Variants in ADCY2 observed in about 807,000 individuals in gnomAD.
ADCY2 encodes the protein adenylate cyclase type 2.
Under a neutral mutation model 125.2 loss-of-function variants are expected in ADCY2, and 31 were observed. The observed-to-expected ratio is 0.25, with a 90% CI of 0.19 to 0.33. The LOEUF is 0.33. ADCY2 is among the 10% of genes least tolerant of loss of function. The pLI is 1.00. For synonymous variants in ADCY2, 512 were observed against 548.4 expected, an observed-to-expected ratio of 0.93 and a Z score of 0.93; for missense variants, 904 against 1,418.2, an observed-to-expected ratio of 0.64 and a Z score of 5.82.
At chr5:7,510,856 A>T (rs894494064) in intron 2 of ADCY2, among the ~76,000 whole-genome samples, 1 of 152,224 alleles carries the variant, frequency 6.6e-6, no homozygotes, top group South Asian at 2.1e-4. Context: ...AGAACACGAT[A>T]TGAAGAGTTG....
intron 2 of ADCY2, among the ~76,000 whole-genome samples, chr5:7,446,749 A>G (rs906719141): frequency 3.3e-5 from 5 of 152,226 alleles, no homozygotes; most frequent in Admixed American, 1.3e-4. Flanking sequence ...ACGTGTGTGC[A>G]CAGTATAGAT....
At chr5:7,650,542 A>T (rs1017761233) in intron 4 of ADCY2, among the ~76,000 whole-genome samples, 1 of 152,110 alleles carries the variant, frequency 6.6e-6, no homozygotes, top group Non-Finnish European at 1.5e-5. Context: ...CAGACACAGG[A>T]TGGAGGAACC....
chr5:7,608,150 T>G (rs1737446124), intron 3 of ADCY2, among the ~76,000 whole-genome samples: 2 of 152,360 alleles, frequency 1.3e-5, no homozygotes, highest in East Asian at 1.9e-4. Flanking sequence ...ATTTGTTAAT[T>G]TATCATGAGG....
In ADCY2 at chr5:7,816,971, T is replaced by C; in HGVS notation, c.2989T>C (p.Leu997=). ...CAAGCACTCCTTCAACGACTTCAAATTGCGAGTGGGTACGTTCTGCAAAAG... is the reference window on the plus strand; with the variant it reads ...CAAGCACTCCTTCAACGACTTCAAACTGCGAGTGGGTACGTTCTGCAAAAG... The part of the protein sequence containing the change: ...INKHSFNDFK[L]RVGINHGPVI... The change falls in exon 23 of 25, where the codon TTG becomes CTG. Residue 997 remains leucine (L), a synonymous_variant. Transcript: ENST00000338316. The C allele has an allele frequency of 6.2e-7, 1 of 1,613,976 alleles. No homozygotes were observed. Among genetic ancestry groups the C allele is most frequent in the Non-Finnish European group, 8.5e-7 (1 of 1,179,920 alleles).
chr5:7,753,439 G>C (rs1489428534), intron 15 of ADCY2, among the ~76,000 whole-genome samples: 2 of 152,194 alleles, frequency 1.3e-5, no homozygotes, highest in Admixed American at 6.5e-5. Context: ...TGACTCCACT[G>C]ACTGGGCTCA....
chr5:7,493,721 T>G (rs1743248263), intron 2 of ADCY2, among the ~76,000 whole-genome samples: 1 of 152,038 alleles, frequency 6.6e-6, no homozygotes. Flanking sequence ...GATGGAGGGA[T>G]AGTGGAGCTG....
intron 3 of ADCY2, among the ~76,000 whole-genome samples, chr5:7,610,168 G>A (rs1272278306): frequency 6.6e-6 from 1 of 152,192 alleles, no homozygotes; most frequent in East Asian, 1.9e-4. Flanking sequence ...TTTGGGCATT[G>A]GTGTTATTTC....
At chr5:7,432,873 A>G (rs979480559) in intron 2 of ADCY2, among the ~76,000 whole-genome samples, 21 of 67,238 alleles carry the variant, frequency 3.1e-4, no homozygotes, top group Admixed American at 4.0e-4. Flanking sequence ...ATGTATGTCA[A>G]AACTCATCAA....
intron 3 of ADCY2, among the ~76,000 whole-genome samples, chr5:7,576,848 G>A (rs905290259): frequency 6.6e-6 from 1 of 152,124 alleles, no homozygotes; most frequent in Non-Finnish European, 1.5e-5. Flanking sequence ...ACATTAAACA[G>A]AACTTGCTTA....
In ADCY2 at chr5:7,663,553, T is replaced by C. The variant is rs2195395; in HGVS notation, c.721-27138T>C. On this transcript the variant is annotated intron_variant, in intron 4 of 24. Transcript: ENST00000338316. ...TGCATTAGTGAGCTTGGGAATCTCA[T>C]GTTGGAGGAAATGAATTAAGGGTGT... Among the ~76,000 whole-genome samples the C allele has an allele frequency of 8.1e-3, 1,237 of 152,318 alleles. 18 individuals carry two copies. Among genetic ancestry groups the C allele is most frequent in the African/African-American group, 0.028 (1,183 of 41,576 alleles).
chr5:7,782,640 T>G (rs1043473517), intron 18 of ADCY2, among the ~76,000 whole-genome samples: 7 of 152,202 alleles, frequency 4.6e-5, no homozygotes, highest in African/African-American at 1.7e-4. Flanking sequence ...CCCTTGGAAT[T>G]GTAAAGTAAT....
intron 1 of ADCY2, among the ~76,000 whole-genome samples, chr5:7,410,904 T>A (rs974349799): frequency 2.6e-5 from 4 of 152,130 alleles, no homozygotes; most frequent in African/African-American, 9.7e-5. Context: ...TGTACCTTGC[T>A]GGCTTCCTTC....
rs1270949027 is a variant in ADCY2 at position 7,821,893 on chromosome 5, G to A, written c.3123+1204G>A. Among the ~76,000 whole-genome samples the A allele has an allele frequency of 3.3e-5, 5 of 152,216 alleles. No homozygotes were observed. In the East Asian group the frequency reaches 5.8e-4, roughly 18 times the overall value. On this transcript the variant is annotated intron_variant, in intron 24 of 24. Coordinates refer to ENST00000338316, the MANE Select transcript of ADCY2 (RefSeq NM_020546.3). ...CAGGGGCAATGCTCACAGGAAGAAC[G>A]GAGTGAGGGGACCAGTGAAAATAAA...
At chr5:7,497,243 A>G (rs1306599298) in intron 2 of ADCY2, among the ~76,000 whole-genome samples, 1 of 152,314 alleles carries the variant, frequency 6.6e-6, no homozygotes, top group East Asian at 1.9e-4. Context: ...ATACACAAAC[A>G]AGAATAACCA....
chr5:7,820,949 A>G (rs1038681266), intron 24 of ADCY2, among the ~76,000 whole-genome samples: 2 of 152,236 alleles, frequency 1.3e-5, no homozygotes, highest in African/African-American at 2.4e-5. Flanking sequence ...GCATGATGGC[A>G]CAACAGCCCT....
chr5:7,670,607 T>C (rs1033174237), intron 4 of ADCY2, among the ~76,000 whole-genome samples: 7 of 152,166 alleles, frequency 4.6e-5, no homozygotes, highest in Non-Finnish European at 1.0e-4. Context: ...TCCAACCTTT[T>C]TGACACCAGG....
chr5:7,444,111 C>CTTTTTT (rs749823885), intron 2 of ADCY2, among the ~76,000 whole-genome samples: 15 of 99,344 alleles, frequency 1.5e-4, no homozygotes, highest in Non-Finnish European at 2.9e-4. Flanking sequence ...GTTTTTATCT[C>CTTTTTT]TTTTTTTTTT....
chr5:7,493,885 A>C (rs1487668646), intron 2 of ADCY2, among the ~76,000 whole-genome samples: 3 of 152,096 alleles, frequency 2.0e-5, no homozygotes, highest in Non-Finnish European at 4.4e-5. Context: ...TGAGTCAAAT[A>C]AGTGCAAGTC....
intron 1 of ADCY2, among the ~76,000 whole-genome samples, chr5:7,400,586 C>T (rs896373364): frequency 2.6e-5 from 4 of 152,190 alleles, no homozygotes; most frequent in African/African-American, 4.8e-5. Flanking sequence ...TCACCTCCTT[C>T]CTTGGGGGTT....
Sources: gnomAD v4.1 joint callset for allele counts (sites outside exome capture counted in the v4.1 genomes callset) on GRCh38, gnomAD v4.1.1 for gene constraint, MANE v1.5 for transcripts, NCBI Gene and HGNC (gene_info 2026-07-23, HGNC 2026-07-21) for gene names.